Variants in OXCT1 observed in about 807,000 individuals in gnomAD.
OXCT1 encodes succinyl-CoA:3-ketoacid coenzyme A transferase 1, mitochondrial.
Under a neutral mutation model 69.6 loss-of-function variants are expected in OXCT1, and 27 were observed. The ratio of observed to expected loss-of-function variants is 0.39; its 90% confidence interval spans 0.29 to 0.54. The LOEUF (loss-of-function observed/expected upper bound fraction) is 0.54. OXCT1 is among the 20% of genes least tolerant of loss of function. OXCT1 has a pLI of 0.72. For missense variants in OXCT1, 437 were observed against 650.2 expected (o/e 0.67, Z 3.57); for synonymous variants, 202 against 217.8 (o/e 0.93, Z 0.64).
chr5:41,756,189 T>C (rs988328029), intron 14 of OXCT1, among the ~76,000 whole-genome samples: 1 of 152,122 alleles, frequency 6.6e-6, no homozygotes, highest in African/African-American at 2.4e-5. Flanking sequence ...AATAGAGTTC[T>C]CATTTTGTCT....
chr5:41,869,225 C>A (rs1315583415), intron 1 of OXCT1, among the ~76,000 whole-genome samples: 1 of 152,176 alleles, frequency 6.6e-6, no homozygotes, highest in Non-Finnish European at 1.5e-5. Flanking sequence ...GTGTTCTCAG[C>A]GGTCAGGGAT....
intron 11 of OXCT1, among the ~76,000 whole-genome samples, chr5:41,795,147 G>A (rs977958690): frequency 7.2e-5 from 11 of 152,108 alleles, no homozygotes; most frequent in African/African-American, 1.2e-4. Flanking sequence ...CATAAGGAAC[G>A]GGCAACCTAG....
chr5:41,814,556 T>C (rs1747139449), intron 7 of OXCT1, among the ~76,000 whole-genome samples: 1 of 151,952 alleles, frequency 6.6e-6, no homozygotes, highest in East Asian at 1.9e-4. Flanking sequence ...TAAAAAAGGA[T>C]GAGTTCATGT....
chr5:41,731,623 T>A lies in OXCT1; in HGVS notation c.*106A>T. On this transcript the variant is annotated 3_prime_UTR_variant, in exon 17 of 17. Transcript: ENST00000196371. ...AAAGTCTGAAACACAAGAAAACTAA[T>A]AAAAAACCACCTGTTAAATACACAA... The A allele has an allele frequency of 1.3e-6, 2 of 1,481,496 alleles. No individual in the cohort carries two copies. Among genetic ancestry groups the A allele is most frequent in the Non-Finnish European group, 1.8e-6 (2 of 1,089,264 alleles). 91.8% of individuals were successfully genotyped at this position (1,481,496 alleles called of 1,614,324 possible). A position where few individuals can be genotyped will look rare whatever the true frequency, so the allele number is the denominator to read the frequency against.
At chr5:41,862,550 T>A (rs1749784737) in intron 2 of OXCT1, 92 bp downstream of exon 2, 1 of 728,450 alleles carries the variant, frequency 1.4e-6, no homozygotes. Flanking sequence ...AAAATAATTA[T>A]CATTTTTATA....
intron 11 of OXCT1, among the ~76,000 whole-genome samples, chr5:41,794,975 AC>A (rs997536104): frequency 1.3e-5 from 2 of 152,110 alleles, no homozygotes; most frequent in African/African-American, 4.8e-5. Context: ...AAAGCAGACC[AC>A]TTTTAGTTTT....
intron 13 of OXCT1, among the ~76,000 whole-genome samples, chr5:41,773,703 A>T (rs1744992097): frequency 6.6e-6 from 1 of 151,880 alleles, no homozygotes; most frequent in South Asian, 2.1e-4. Context: ...AGATCAGAAG[A>T]GGTAAAAAGC....
intron 7 of OXCT1, among the ~76,000 whole-genome samples, chr5:41,819,606 G>A (rs554689921): frequency 3.0e-4 from 45 of 152,006 alleles, no homozygotes; most frequent in African/African-American, 9.6e-4. Context: ...CTTACCTCAG[G>A]TGATCTGCCT....
chr5:41,819,368 TG>T (rs1210993430), intron 7 of OXCT1, among the ~76,000 whole-genome samples: 6 of 89,044 alleles, frequency 6.7e-5, no homozygotes, highest in Non-Finnish European at 1.1e-4. Context: ...CTTCCTTTTT[TG>T]GGGGGGATTG....
intron 8 of OXCT1, 29 bp from the exon 9 acceptor site, chr5:41,805,710 G>A (rs770911967): frequency 4.2e-5 from 59 of 1,392,488 alleles, no homozygotes; most frequent in African/African-American, 8.5e-5. Flanking sequence ...TAAATTATTC[G>A]TGGTTGAGGT....
intron 9 of OXCT1, among the ~76,000 whole-genome samples, chr5:41,803,827 C>T (rs1370421355): frequency 6.6e-6 from 1 of 152,028 alleles, no homozygotes; most frequent in African/African-American, 2.4e-5. Flanking sequence ...CTTAAATGAT[C>T]AAAACAGGAG....
intron 10 of OXCT1, among the ~76,000 whole-genome samples, chr5:41,801,749 C>T (rs558732604): frequency 3.6e-4 from 54 of 152,022 alleles, no homozygotes; most frequent in African/African-American, 1.3e-3. Context: ...ATACTTATGT[C>T]CTTATGTTCC....
At chr5:41,832,084 T>C (rs1444180734) in intron 7 of OXCT1, among the ~76,000 whole-genome samples, 2 of 152,162 alleles carry the variant, frequency 1.3e-5, no homozygotes, top group Non-Finnish European at 2.9e-5. Context: ...GAACCAAAAA[T>C]CAGACAGCAT....
chr5:41,770,024 T>C (rs1744809262), intron 13 of OXCT1, among the ~76,000 whole-genome samples: 1 of 152,196 alleles, frequency 6.6e-6, no homozygotes, highest in Non-Finnish European at 1.5e-5. Flanking sequence ...CCTCCCAAAG[T>C]GTTGGGATTA....
Position 41,773,097 on chromosome 5 carries a change from C to G in OXCT1, c.1249-10897G>C, listed in dbSNP as rs115089421. Among the ~76,000 whole-genome samples, 520 of 152,222 alleles carry G rather than the reference C, an allele frequency of 3.4e-3. 1 individual carries two copies. The highest frequency in any genetic ancestry group is 0.012 in the African/African-American group (491 of 41,542). On this transcript the variant is annotated intron_variant, in intron 13 of 16. Coordinates refer to ENST00000196371, the MANE Select transcript of OXCT1 (RefSeq NM_000436.4). ...TAAAAGAACGACTTTGGGCGATTTG[C>G]CACAAAGTTAATATTTTTGAAAGAT... is the stretch of plus-strand genomic sequence containing the variant.
chr5:41,830,679 T>C (rs1463193375), intron 7 of OXCT1, among the ~76,000 whole-genome samples: 2 of 152,216 alleles, frequency 1.3e-5, no homozygotes, highest in South Asian at 2.1e-4. Context: ...TTTTTCAACA[T>C]GGTGAGAAGT....
chr5:41,778,920 T>G (rs1745262393), intron 13 of OXCT1, among the ~76,000 whole-genome samples: 1 of 152,244 alleles, frequency 6.6e-6, no homozygotes, highest in Non-Finnish European at 1.5e-5. Context: ...AGATTTTATG[T>G]GTTTTGCAAC....
intron 3 of OXCT1, among the ~76,000 whole-genome samples, chr5:41,860,839 A>T (rs1040615365): frequency 5.9e-5 from 9 of 152,092 alleles, no homozygotes; most frequent in Non-Finnish European, 1.2e-4. Flanking sequence ...AAGACCAGCC[A>T]TGTTTTTGTG....
chr5:41,862,857 C>T (rs1749806354), intron 1 of OXCT1, 107 bp from the exon 2 acceptor site: 1 of 702,688 alleles, frequency 1.4e-6, no homozygotes. Flanking sequence ...TCATTATCTC[C>T]TTTATATATA....
Sources: gnomAD v4.1 joint callset for allele counts (sites outside exome capture counted in the v4.1 genomes callset) on GRCh38, gnomAD v4.1.1 for gene constraint, MANE v1.5 for transcripts, NCBI Gene and HGNC (gene_info 2026-07-23, HGNC 2026-07-21) for gene names.